DNAI3: variants seen among roughly 807,000 people sequenced by gnomAD.
The protein encoded by DNAI3 is dynein axonemal intermediate chain 3.
In DNAI3, 83 loss-of-function variants were observed where a neutral mutation model predicts 115.5. The ratio of observed to expected loss-of-function variants is 0.72; its 90% confidence interval spans 0.60 to 0.86. The LOEUF (loss-of-function observed/expected upper bound fraction) is 0.86. Among genes scored for constraint, DNAI3 ranks in the 40% least tolerant of loss-of-function variants. The pLI, the probability that DNAI3 is intolerant of heterozygous loss-of-function variation, is 0.00. For synonymous variants in DNAI3, 320 were observed against 347.0 expected (o/e 0.92, Z 0.86); for missense variants, 1,004 against 1,075.8 (o/e 0.93, Z 0.93).
In DNAI3 at chr1:85,085,830, G is replaced by GA; in HGVS notation, c.541dup (p.Ile181AsnfsTer11). The GA allele has an allele frequency of 6.2e-7, 1 of 1,613,594 alleles. No individual in the cohort carries two copies. Among genetic ancestry groups the GA allele is most frequent in the East Asian group, 2.2e-5 (1 of 44,860 alleles). On this transcript the variant is annotated frameshift_variant and splice_region_variant. Transcript: ENST00000294664. LOFTEE classifies it high-confidence loss of function. ...ACCTTTACTGTTTACATGTGTTACA[G>GA]ATTACATATATGATTTCTCGAAAAC...
intron 5 of DNAI3, among the ~76,000 whole-genome samples, chr1:85,083,841 G>T (rs567185651): frequency 1.3e-5 from 2 of 151,866 alleles, no homozygotes; most frequent in South Asian, 2.1e-4. Flanking sequence ...TATTGTTCTT[G>T]TCTGTGGTTT....
rs747197897 is a variant in DNAI3 at position 85,094,477 on chromosome 1, A to G, written c.1095A>G (p.Arg365=). 1 of 1,614,066 alleles carries G rather than the reference A, an allele frequency of 6.2e-7. No individual in the cohort carries two copies. The highest frequency in any genetic ancestry group is 8.5e-7 in the Non-Finnish European group (1 of 1,180,030). Residue 365 remains arginine, a synonymous_variant, in exon 10 of 23, where the codon AGA becomes AGG. Coordinates refer to ENST00000294664, the MANE Select transcript of DNAI3 (RefSeq NM_145172.5). ...CCGTGCGACTTTCTTTTGAAGACAG[A>G]GTTCACTTTTCTGGTAAATTATTGC... ...SVAVRLSFED[R]VHFSGKLLLQ... is the part of the protein sequence containing the mutation.
At chr1:85,122,492 C>T (rs1656021004) in intron 18 of DNAI3, among the ~76,000 whole-genome samples, 1 of 152,204 alleles carries the variant, frequency 6.6e-6, no homozygotes, top group Non-Finnish European at 1.5e-5. Flanking sequence ...TATAACTGCT[C>T]ATTTTAAACC....
intron 13 of DNAI3, among the ~76,000 whole-genome samples, chr1:85,099,684 A>G (rs1278198463): frequency 6.6e-6 from 1 of 152,256 alleles, no homozygotes; most frequent in African/African-American, 2.4e-5. Context: ...AGCCAAAAGA[A>G]CAAAGCCGGA....
chr1:85,098,376 C>T (rs1172636867), intron 12 of DNAI3, among the ~76,000 whole-genome samples, 154 bp from the exon 13 acceptor site: 5 of 152,244 alleles, frequency 3.3e-5, no homozygotes, highest in Non-Finnish European at 5.9e-5. Context: ...AATCCTATTA[C>T]CTAAATATAT....
Position 85,082,415 on chromosome 1 carries a change from C to G in DNAI3, c.390+11C>G. ...GAAAACTATTTAAATGTGAGCAAAC[C>G]CCAAGCCCTTGTAATTTGTTTGTTT... is the stretch of plus-strand genomic sequence containing the variant. On this transcript the variant is annotated intron_variant, in intron 5 of 22. Coordinates refer to ENST00000294664, the MANE Select transcript of DNAI3 (RefSeq NM_145172.5). 6.3e-7 allele frequency: 1 copy of G among 1,592,104 alleles called. No individual in the cohort carries two copies.
rs1051817106 is a variant in DNAI3 at position 85,129,173 on chromosome 1, G to A, written c.2409+374G>A. 2.6e-5 allele frequency among the ~76,000 whole-genome samples: 4 copies of A among 151,928 alleles called. No individual in the cohort carries two copies. In the East Asian group the frequency reaches 5.8e-4, roughly 22 times the overall value. On this transcript the variant is annotated intron_variant, in intron 21 of 22. Coordinates refer to ENST00000294664, the MANE Select transcript of DNAI3 (RefSeq NM_145172.5). ...CATCTCTCCATCACCCACCCCCTCCGGCTCCCAACCCAACTTGGAGTATAG... is the reference window on the plus strand; with the variant it reads ...CATCTCTCCATCACCCACCCCCTCCAGCTCCCAACCCAACTTGGAGTATAG...
At chr1:85,082,693 C>T (rs879573297) in intron 5 of DNAI3, among the ~76,000 whole-genome samples, 11 of 152,150 alleles carry the variant, frequency 7.2e-5, no homozygotes, top group African/African-American at 2.2e-4. Flanking sequence ...GAAGCAGAAG[C>T]GGTACCTCTG....
chr1:85,114,407 T>C (rs1312576419), intron 16 of DNAI3, among the ~76,000 whole-genome samples: 4 of 152,232 alleles, frequency 2.6e-5, no homozygotes, highest in African/African-American at 9.6e-5. Context: ...CTGAGTTTTC[T>C]ATATAGATAA....
chr1:85,102,447 A>G (rs1655355983), intron 13 of DNAI3, among the ~76,000 whole-genome samples: 3 of 152,190 alleles, frequency 2.0e-5, no homozygotes, highest in Admixed American at 2.0e-4. Context: ...AGCAAAAGAC[A>G]TATAAAATAA....
chr1:85,129,435 G>A (rs1207046593), intron 21 of DNAI3, among the ~76,000 whole-genome samples: 1 of 151,142 alleles, frequency 6.6e-6, no homozygotes. Context: ...CAAGGTCTCT[G>A]CTGACTTTCC....
intron 7 of DNAI3, among the ~76,000 whole-genome samples, chr1:85,089,638 C>T (rs1019447146): frequency 1.4e-4 from 21 of 151,940 alleles, no homozygotes; most frequent in Middle Eastern, 3.4e-3. Context: ...TTTTTAACAG[C>T]ATCCCTGGGA....
intron 13 of DNAI3, among the ~76,000 whole-genome samples, chr1:85,102,799 G>A (rs951285614): frequency 6.6e-6 from 1 of 152,158 alleles, no homozygotes; most frequent in African/African-American, 2.4e-5. Context: ...GTGTTTCCAT[G>A]AAAGAAGACT....
At chr1:85,131,909 C>T (rs2100622593) in intron 22 of DNAI3, among the ~76,000 whole-genome samples, 1 of 152,274 alleles carries the variant, frequency 6.6e-6, no homozygotes, top group African/African-American at 2.4e-5. Context: ...TTGTATTATA[C>T]TTTTCAATTT....
Position 85,110,107 on chromosome 1 carries a change from T to G in DNAI3, c.1758T>G (p.Asn586Lys). ...ACTGTCCAACCAAGATAAGCCTGAA[T>G]GAAGACCATCTTCTTTGCAAAACAC... ...LDHCPTKISL[N>K]EDHLLCKTQD... Residue 586 changes from asparagine (N) to lysine (K), a missense_variant, in exon 16 of 23, where the codon AAT becomes AAG. By Grantham distance (94) the Asn-to-Lys change is moderately conservative (BLOSUM62 0). Transcript: ENST00000294664. 6.2e-7 allele frequency: 1 copy of G among 1,612,882 alleles called. No individual in the cohort carries two copies. The highest frequency in any genetic ancestry group is 8.5e-7 in the Non-Finnish European group (1 of 1,179,688).
At chr1:85,075,680 G>A (rs1211975180) in intron 3 of DNAI3, among the ~76,000 whole-genome samples, 1 of 151,980 alleles carries the variant, frequency 6.6e-6, no homozygotes, top group Non-Finnish European at 1.5e-5. Context: ...CAGTCCTAAG[G>A]GCCTAACAAG....
At chr1:85,109,985 A>T (rs1655603405) in intron 15 of DNAI3, 63 bp from the exon 16 acceptor site, 1 of 1,517,634 alleles carries the variant, frequency 6.6e-7, no homozygotes, top group Admixed American at 1.7e-5. Context: ...AGGCAAGAAT[A>T]AATTACCCAA....
At chr1:85,082,230 T>C in intron 4 of DNAI3, 70 bp from the exon 5 acceptor site, 4 of 1,238,924 alleles carry the variant, frequency 3.2e-6, no homozygotes, top group Non-Finnish European at 4.6e-6. Context: ...AATGTGAATT[T>C]TGTGTTGGCA....
chr1:85,087,071 C>G (rs553792638), intron 7 of DNAI3, among the ~76,000 whole-genome samples: 1 of 152,042 alleles, frequency 6.6e-6, no homozygotes, highest in Non-Finnish European at 1.5e-5. Context: ...ATAGAATGCT[C>G]TTCCCTTGTG....
Sources: allele counts gnomAD v4.1 joint callset (sites outside exome capture counted in the v4.1 genomes callset), GRCh38; gene constraint gnomAD v4.1.1; transcripts MANE v1.5; gene names NCBI Gene and HGNC (gene_info 2026-07-23, HGNC 2026-07-21).